The following QRFPR variants were observed in gnomAD, a reference collection of about 807,000 sequenced individuals.
The protein encoded by QRFPR is pyroglutamylated RF-amide peptide receptor.
In QRFPR, 37 loss-of-function variants were observed where a neutral mutation model predicts 31.3. The ratio of observed to expected loss-of-function variants is 1.18; its 90% CI spans 0.91 to 1.56. The LOEUF is 1.56. QRFPR is among the 40% of genes most tolerant of loss of function. The pLI is 0.00. For missense variants in QRFPR, 542 were observed against 532.5 expected, an observed-to-expected ratio of 1.02 and a Z score of -0.18; for synonymous variants, 197 against 192.0, an observed-to-expected ratio of 1.03 and a Z score of -0.22.
intron 1 of QRFPR, among the ~76,000 whole-genome samples, chr4:121,377,561 C>T (rs1726380273): frequency 6.6e-6 from 1 of 152,134 alleles, no homozygotes; most frequent in African/African-American, 2.4e-5. Flanking sequence ...GCACTGACCC[C>T]TATTCCTAGA....
intron 1 of QRFPR, among the ~76,000 whole-genome samples, chr4:121,349,013 C>T (rs960975030): frequency 6.6e-6 from 1 of 152,074 alleles, no homozygotes; most frequent in African/African-American, 2.4e-5. Context: ...AGGAGAATGG[C>T]GTGAACCCGG....
chr4:121,337,395 GTC>G (rs1306364716), intron 2 of QRFPR, among the ~76,000 whole-genome samples: 2 of 152,166 alleles, frequency 1.3e-5, no homozygotes, highest in African/African-American at 4.8e-5. Context: ...ATTCCTTGTT[GTC>G]TCTACATGCC....
At chr4:121,340,209 T>C in intron 2 of QRFPR, 1 of 468,008 alleles carries the variant, frequency 2.1e-6, no homozygotes, top group Non-Finnish European at 3.9e-6. Flanking sequence ...ACATAGTGCT[T>C]AAACGTTTAA....
rs527603681 is a variant in QRFPR at position 121,357,209 on chromosome 4, C to A, written c.341-16599G>T. Among the ~76,000 whole-genome samples the A allele has an allele frequency of 2.0e-5, 3 of 151,938 alleles. No homozygotes were observed. In the South Asian group the frequency reaches 6.2e-4, roughly 32 times the overall value. ...TCTAGGGGAGAATTCATTTCCTTGC[C>A]TTTTCTAGTTTCTAGAGGTTGTCTG... On this transcript the variant is annotated intron_variant, in intron 1 of 5. Transcript: ENST00000394427.
chr4:121,378,086 GC>G (rs1176393666), intron 1 of QRFPR, among the ~76,000 whole-genome samples: 3 of 151,964 alleles, frequency 2.0e-5, no homozygotes, highest in Non-Finnish European at 4.4e-5. Flanking sequence ...ATAAACATAG[GC>G]CACCTCCAAT....
chr4:121,378,004 C>T (rs536130024), intron 1 of QRFPR, among the ~76,000 whole-genome samples: 10 of 151,952 alleles, frequency 6.6e-5, no homozygotes, highest in African/African-American at 2.4e-4. Flanking sequence ...CTCACCTCTC[C>T]CTCGCACTTC....
At chr4:121,345,467 C>T (rs983465125) in intron 1 of QRFPR, among the ~76,000 whole-genome samples, 3 of 152,306 alleles carry the variant, frequency 2.0e-5, no homozygotes, top group Admixed American at 2.0e-4. Flanking sequence ...TTCTCTTTTG[C>T]TACCTTATTC....
intron 1 of QRFPR, among the ~76,000 whole-genome samples, chr4:121,364,420 A>G (rs908507211): frequency 6.7e-6 from 1 of 149,944 alleles, no homozygotes; most frequent in Admixed American, 6.6e-5. Flanking sequence ...GTGGATCACA[A>G]GGTCAGGAGA....
chr4:121,369,855 CT>C (rs1412540625), intron 1 of QRFPR: 1 of 880,082 alleles, frequency 1.1e-6, no homozygotes, highest in African/African-American at 1.6e-5. Flanking sequence ...GGCCTCTCTT[CT>C]TTTGTTATCT....
chr4:121,338,163 C>G (rs1345055833), intron 2 of QRFPR, among the ~76,000 whole-genome samples: 1 of 152,158 alleles, frequency 6.6e-6, no homozygotes, highest in African/African-American at 2.4e-5. Flanking sequence ...TTCTCACTCG[C>G]TCTTTCTCTT....
At chr4:121,342,045 G>A (rs1446352844) in intron 1 of QRFPR, among the ~76,000 whole-genome samples, 2 of 152,206 alleles carry the variant, frequency 1.3e-5, no homozygotes, top group Non-Finnish European at 2.9e-5. Context: ...GTTTCCAGAA[G>A]AGATGAGCAT....
chr4:121,338,238 T>C (rs1725469499), intron 2 of QRFPR, among the ~76,000 whole-genome samples: 1 of 152,200 alleles, frequency 6.6e-6, no homozygotes. Context: ...AGTTATCTTA[T>C]GTCCAATCAT....
rs535070343 is a variant in QRFPR at position 121,357,038 on chromosome 4, G to T, written c.341-16428C>A. ...AAATAAAGAGTTACTCTATACTAAT[G>T]CACAGGGTGTTTGTATTAGTTTCCT... On this transcript the variant is annotated intron_variant, in intron 1 of 5. Transcript: ENST00000394427. 2.6e-5 allele frequency among the ~76,000 whole-genome samples: 4 copies of T among 152,212 alleles called. No individual in the cohort carries two copies. In the South Asian group the frequency reaches 8.3e-4, roughly 32 times the overall value.
Position 121,367,621 on chromosome 4 carries a change from T to C in QRFPR, c.340+12687A>G, listed in dbSNP as rs140158278. Among the ~76,000 whole-genome samples, 14 of 150,520 alleles carry C rather than the reference T, an allele frequency of 9.3e-5. 3 individuals are homozygous for C. In the East Asian group the frequency reaches 2.8e-3, roughly 30 times the overall value. On this transcript the variant is annotated intron_variant, in intron 1 of 5. Transcript: ENST00000394427. ...TTTAAAAAGTTCTCTAATGTCCTTATTGTCTCTAAAATTATTCTACACACA... is the reference window on the plus strand; with the variant it reads ...TTTAAAAAGTTCTCTAATGTCCTTACTGTCTCTAAAATTATTCTACACACA...
chr4:121,329,596 G>A lies in QRFPR; in HGVS notation c.1014C>T (p.Asn338=), dbSNP rs1725283880. The change falls in exon 6 of 6, where the codon AAC becomes AAT. Residue 338 remains asparagine (N), a synonymous_variant. Transcript: ENST00000394427. ...NPIVYAFMNE[N]FKKNVLSAVC... ...CTGCAGACAAAACATTTTTTTTGAA[G>A]TTTTCATTCATAAATGCATAGACAA... 6.2e-7 allele frequency: 1 copy of A among 1,613,156 alleles called. No homozygotes were observed. The highest frequency in any genetic ancestry group is 1.3e-5 in the African/African-American group (1 of 74,888).
At chr4:121,369,306 G>A (rs1369920339) in intron 1 of QRFPR, 1 of 485,640 alleles carries the variant, frequency 2.1e-6, no homozygotes, top group Admixed American at 3.4e-5. Context: ...TGGGATTACA[G>A]GCGTGAGCCA....
intron 1 of QRFPR, among the ~76,000 whole-genome samples, chr4:121,347,650 G>A (rs1725680972): frequency 6.6e-6 from 1 of 152,096 alleles, no homozygotes; most frequent in Non-Finnish European, 1.5e-5. Context: ...CCACTTGTGA[G>A]ATGATACCTC....
intron 1 of QRFPR, among the ~76,000 whole-genome samples, chr4:121,366,728 A>T (rs1417740581): frequency 6.7e-6 from 1 of 149,876 alleles, no homozygotes; most frequent in Non-Finnish European, 1.5e-5. Context: ...AATCACCTAA[A>T]TTTTTTGTGA....
chr4:121,365,001 G>T (rs1043121142), intron 1 of QRFPR, among the ~76,000 whole-genome samples: 8 of 149,736 alleles, frequency 5.3e-5, no homozygotes, highest in African/African-American at 2.0e-4. Context: ...GCTGTTTTTT[G>T]GGGTTCCATT....
Sources: gnomAD v4.1 joint callset for allele counts (sites outside exome capture counted in the v4.1 genomes callset) on GRCh38, gnomAD v4.1.1 for gene constraint, MANE v1.5 for transcripts, NCBI Gene and HGNC (gene_info 2026-07-23, HGNC 2026-07-21) for gene names.